Variants in GPLD1 observed in about 807,000 individuals in gnomAD.
GPLD1 encodes phosphatidylinositol-glycan-specific phospholipase D.
A neutral mutation model predicts 112.6 loss-of-function variants in GPLD1; 84 were observed. That is an observed-to-expected ratio of 0.75 (90% CI 0.63 to 0.89). The LOEUF is 0.89. Ranked by LOEUF, GPLD1 falls within the 40% of genes least tolerant of loss-of-function variation. The probability of loss-of-function intolerance (pLI) is 0.00; values close to 1 mark genes in which losing one functional copy is unlikely to be tolerated. For synonymous variants in GPLD1, 386 were observed against 403.8 expected, an observed-to-expected ratio of 0.96 and a Z score of 0.53; for missense variants, 1,044 against 1,051.5, an observed-to-expected ratio of 0.99 and a Z score of 0.10.
Position 24,437,234 on chromosome 6 carries a change from A to C in GPLD1, c.2076T>G (p.Thr692=). ...CGTCAGATGTGAGTGCGTACATGCG[A>C]GTGGCTCCGCCTTGGTGTAGGGTCA... ...LTVTLHQGGA[T]RMYALTSDAQ... Residue 692 remains threonine (T), a synonymous_variant, in exon 21 of 25, where the codon ACT becomes ACG. Transcript: ENST00000230036. 1 of 1,614,174 alleles carries C rather than the reference A, an allele frequency of 6.2e-7. No individual in the cohort carries two copies. The highest frequency in any genetic ancestry group is 8.5e-7 in the Non-Finnish European group (1 of 1,179,994).
rs1049924559 is a variant in GPLD1 at position 24,476,175 on chromosome 6, G to A, written c.330+6C>T. The A allele has an allele frequency of 2.0e-6, 3 of 1,470,176 alleles. No homozygotes were observed. Among genetic ancestry groups the A allele is most frequent in the Non-Finnish European group, 9.4e-7 (1 of 1,066,494 alleles). The allele number at this position is 1,470,176 out of a possible 1,614,324, so 91.1% of individuals were successfully genotyped here. A position where few individuals can be genotyped will look rare whatever the true frequency, so the allele number is the denominator to read the frequency against. On this transcript the variant is annotated splice_donor_region_variant and intron_variant, in intron 4 of 24. Coordinates refer to ENST00000230036, the MANE Select transcript of GPLD1 (RefSeq NM_001503.4). Reference sequence around the variant, plus strand: ...AATATTTTAAGGATTGGAGGACCACGCCTACCTTCTCCCAGGGAAGGGGAT... The same window carrying A: ...AATATTTTAAGGATTGGAGGACCACACCTACCTTCTCCCAGGGAAGGGGAT...
At chr6:24,443,548 G>A (rs191845521) in intron 20 of GPLD1, among the ~76,000 whole-genome samples, 1 of 152,082 alleles carries the variant, frequency 6.6e-6, no homozygotes, top group African/African-American at 2.4e-5. Flanking sequence ...GAGTTATCAC[G>A]ACCCTCATTC....
At chr6:24,454,610 A>G (rs1758087026) in intron 13 of GPLD1, among the ~76,000 whole-genome samples, 1 of 152,188 alleles carries the variant, frequency 6.6e-6, no homozygotes, top group South Asian at 2.1e-4. Flanking sequence ...TTATCTGATC[A>G]AAGACGAGCT....
rs186963564 is a variant in GPLD1 at position 24,464,486 on chromosome 6, C to T, written c.822-1691G>A. Among the ~76,000 whole-genome samples, 19 of 152,196 alleles carry T rather than the reference C, an allele frequency of 1.2e-4. No homozygotes were observed. In the East Asian group the frequency reaches 3.1e-3, roughly 25 times the overall value. On this transcript the variant is annotated intron_variant, in intron 10 of 24. Transcript: ENST00000230036. ...CTATCCCTGCCAAATTGTTACTCAC[C>T]GATTGTTAAAAACAAGTTTATTATG...
chr6:24,432,434 CAA>C (rs948143838), intron 24 of GPLD1, among the ~76,000 whole-genome samples: 8 of 151,840 alleles, frequency 5.3e-5, no homozygotes, highest in African/African-American at 4.8e-5. Context: ...CCCATGTCTA[CAA>C]AAAGTTTTTG....
chr6:24,491,802 A>G (rs1023435903), upstream of GPLD1, among the ~76,000 whole-genome samples: 1 of 152,240 alleles, frequency 6.6e-6, no homozygotes, highest in African/African-American at 2.4e-5. Context: ...GAATGACATA[A>G]ACGTATAAAT....
chr6:24,455,503 G>C (rs1763237350), intron 13 of GPLD1, among the ~76,000 whole-genome samples: 1 of 152,096 alleles, frequency 6.6e-6, no homozygotes, highest in Non-Finnish European at 1.5e-5. Flanking sequence ...TTATATACTT[G>C]GGGTTAGTTT....
At chr6:24,463,678 T>C (rs141887960) in intron 10 of GPLD1, among the ~76,000 whole-genome samples, 33 of 152,342 alleles carry the variant, frequency 2.2e-4, no homozygotes, top group Admixed American at 6.5e-4. Flanking sequence ...CACTACTTCA[T>C]TGCTTTTTTA....
chr6:24,430,291 C>T lies in GPLD1; in HGVS notation c.2437-1173G>A, dbSNP rs538335936. ...CTAGTCATCTTTCCAGATGCAGCTCCGGGCCCATGATCTCTGCAGGCCCTT... is the reference window on the plus strand; with the variant it reads ...CTAGTCATCTTTCCAGATGCAGCTCTGGGCCCATGATCTCTGCAGGCCCTT... On this transcript the variant is annotated intron_variant, in intron 24 of 24. Transcript: ENST00000230036. 7.9e-5 allele frequency among the ~76,000 whole-genome samples: 12 copies of T among 152,332 alleles called. No homozygotes were observed. In the South Asian group the frequency reaches 1.9e-3, roughly 24 times the overall value.
Position 24,460,303 on chromosome 6 carries a change from G to A in GPLD1, c.984C>T (p.Phe328=), listed in dbSNP as rs1278539203. ...CCGGGGTCCAGGAATTTACACTAAAGAACACTCCTCTTTCAGTATAGTTTA... is the reference window on the plus strand; with the variant it reads ...CCGGGGTCCAGGAATTTACACTAAAAAACACTCCTCTTTCAGTATAGTTTA... ...RNINYTERGV[F]FSVNSWTPDS... is the part of the protein sequence containing the mutation. The change falls in exon 12 of 25, where the codon TTC becomes TTT. Residue 328 remains phenylalanine (F), a synonymous_variant. Transcript: ENST00000230036. 6.2e-7 allele frequency: 1 copy of A among 1,613,708 alleles called. No homozygotes were observed. The highest frequency in any genetic ancestry group is 1.3e-5 in the African/African-American group (1 of 75,040).
At chr6:24,456,774 G>T (rs140348441) in intron 12 of GPLD1, 137 bp from the exon 13 acceptor site, 78 of 557,690 alleles carry the variant, frequency 1.4e-4, no homozygotes, top group African/African-American at 1.2e-3. Flanking sequence ...AAAACATTAG[G>T]TCCTATCAGC....
intron 7 of GPLD1, among the ~76,000 whole-genome samples, chr6:24,469,684 C>T (rs28709106): frequency 0.25 from 33,667 of 132,604 alleles, 4,707 homozygotes; most frequent in Non-Finnish European, 0.32. Flanking sequence ...TGCTAGATGA[C>T]GAGTTAGTGG....
chr6:24,467,334 C>T (rs1001541600), intron 7 of GPLD1, 60 bp from the exon 8 acceptor site: 3 of 868,876 alleles, frequency 3.5e-6, no homozygotes, highest in Admixed American at 3.6e-5. Context: ...ATAGTAACAA[C>T]AGCAGCAGCA....
chr6:24,457,960 GA>G (rs1396326744), intron 12 of GPLD1, among the ~76,000 whole-genome samples: 1 of 151,934 alleles, frequency 6.6e-6, no homozygotes, highest in African/African-American at 2.4e-5. Flanking sequence ...GTCACATGCA[GA>G]ATGCTAGGAG....
At chr6:24,440,565 A>C (rs1393228773) in intron 20 of GPLD1, among the ~76,000 whole-genome samples, 2 of 144,918 alleles carry the variant, frequency 1.4e-5, no homozygotes, top group African/African-American at 5.2e-5. Flanking sequence ...TCATTATCAA[A>C]AGTGTAAAAA....
chr6:24,430,230 T>C (rs973287293), intron 24 of GPLD1, among the ~76,000 whole-genome samples: 3 of 152,356 alleles, frequency 2.0e-5, no homozygotes, highest in Admixed American at 6.5e-5. Flanking sequence ...TTACTAAATT[T>C]GCCTGGCCTT....
chr6:24,475,252 A>T (rs1275686226), intron 4 of GPLD1, 21 bp from the exon 5 acceptor site: 3 of 1,204,652 alleles, frequency 2.5e-6, no homozygotes, highest in Non-Finnish European at 3.7e-6. Context: ...AGCAAATTAG[A>T]GTCATGTGTG....
At chr6:24,485,182 C>T (rs577477884) in intron 2 of GPLD1, among the ~76,000 whole-genome samples, 1 of 152,180 alleles carries the variant, frequency 6.6e-6, no homozygotes, top group Non-Finnish European at 1.5e-5. Flanking sequence ...TTGTGCTCAA[C>T]ACACAGTAAC....
intron 2 of GPLD1, among the ~76,000 whole-genome samples, chr6:24,481,410 T>C (rs1764198750): frequency 6.6e-6 from 1 of 151,386 alleles, no homozygotes. Context: ...AACAAAGAAG[T>C]ACTTCAAGAA....
Sources: gnomAD v4.1 joint callset for allele counts (sites outside exome capture counted in the v4.1 genomes callset) on GRCh38, gnomAD v4.1.1 for gene constraint, MANE v1.5 for transcripts, NCBI Gene and HGNC (gene_info 2026-07-23, HGNC 2026-07-21) for gene names.